The following VSX1 variants were observed in gnomAD, a reference collection of about 807,000 sequenced individuals.
VSX1 encodes visual system homeobox 1.
A neutral mutation model predicts 23.6 loss-of-function variants in VSX1; 23 were observed. That is an observed-to-expected ratio of 0.97 (90% CI 0.70 to 1.38). The LOEUF is 1.38. VSX1 is among the 40% of genes most tolerant of loss of function. The pLI, the probability that VSX1 is intolerant of heterozygous loss-of-function variation, is 0.00. For missense variants in VSX1, 517 were observed against 495.4 expected (o/e 1.04, Z -0.41); for synonymous variants, 247 against 215.1 (o/e 1.15, Z -1.30).
rs75590263 is a variant in VSX1, at chr20:25,076,061, C to T, written c.*200G>A. 4 of 692,192 alleles carry T rather than the reference C, an allele frequency of 5.8e-6. No homozygotes were observed. Among genetic ancestry groups the T allele is most frequent in the Non-Finnish European group, 7.1e-6 (3 of 420,284 alleles). 42.9% of individuals were successfully genotyped at this position (692,192 alleles called of 1,614,324 possible). On this transcript the variant is annotated 3_prime_UTR_variant, in exon 5 of 5. Transcript: ENST00000376709. ...AACTGGTTAAAGTGCCATTAAGGAA[C>T]CGTTTCCATTCTAGAATGAAATAGA...
downstream of VSX1, chr20:25,075,361 A>G (rs6050300): frequency 0.29 from 44,410 of 152,214 alleles, 7,433 homozygotes; most frequent in African/African-American, 0.44. Context: ...AGAATAAAAC[A>G]TGTCACATGT....
rs1042884321 is a variant in VSX1, at chr20:25,075,940, C to G, written c.*321G>C. The stretch of plus-strand genomic sequence containing the variant: ...TTCATCTATACAGTACATTGAACCA[C>G]ACATCTCAAATGATGCCCAGCAGTG... On this transcript the variant is annotated 3_prime_UTR_variant, in exon 5 of 5. Coordinates refer to ENST00000376709, the MANE Select transcript of VSX1 (RefSeq NM_014588.6). The G allele has an allele frequency of 2.9e-5, 12 of 419,250 alleles. No individual in the cohort carries two copies. Among genetic ancestry groups the G allele is most frequent in the Non-Finnish European group, 4.4e-5 (10 of 225,312 alleles). 26.0% of individuals were successfully genotyped at this position (419,250 alleles called of 1,614,324 possible).
downstream of VSX1, among the ~76,000 whole-genome samples, chr20:25,072,885 AAATTCGCCTTACTAAAACTGT>A (rs2089408496): frequency 6.6e-6 from 1 of 152,242 alleles, no homozygotes; most frequent in African/African-American, 2.4e-5. Flanking sequence ...GAATGTTTCC[AAATTCGCCTTACTAAAACTGT>A]AATTTTTTGA....
rs967157655 is a variant in VSX1 at position 25,081,769 on chromosome 20, G to T, written c.328C>A (p.Pro110Thr). The T allele has an allele frequency of 2.0e-6, 3 of 1,500,086 alleles. No homozygotes were observed. The Admixed American group carries it at 6.4e-5, about 32-fold the overall frequency. The allele number at this position is 1,500,086 out of a possible 1,614,324, so 92.9% of individuals were successfully genotyped here. ...CLLLADVPFL[P>T]PRGPEPAAPL... ...GCAGCGGGCTCGGGGCCCCTGGGCG[G>T]CAGGAACGGCACGTCCGCTAGGAGC... is the stretch of plus-strand genomic sequence containing the variant. The change falls in exon 1 of 5, where the codon CCG becomes ACG. Residue 110 changes from proline to threonine, a missense_variant. Pro to Thr is a conservative substitution (Grantham distance 38). Transcript: ENST00000376709.
chr20:25,078,872 TC>T lies in VSX1; in HGVS notation c.583del (p.Glu195LysfsTer5). On this transcript the variant is annotated frameshift_variant, in exon 3 of 5. Transcript: ENST00000376709. LOFTEE classifies it high-confidence loss of function. ...EAHYPDVYAR[E>X]MLAVKTELPE... ...GAGCTCAGTTTTCACAGCCAGCATT[TC>T]TCGGGCATACACATCAGGGTAGTGG... 1 of 1,614,196 alleles carries T rather than the reference TC, an allele frequency of 6.2e-7. No individual in the cohort carries two copies. The highest frequency in any genetic ancestry group is 1.1e-5 in the South Asian group (1 of 91,082).
At chr20:25,077,293 A>G (rs895234365) in intron 4 of VSX1, among the ~76,000 whole-genome samples, 1 of 152,204 alleles carries the variant, frequency 6.6e-6, no homozygotes, top group Non-Finnish European at 1.5e-5. Context: ...GGAGGGGCTC[A>G]CTGTCCCCAG....
At chr20:25,075,224 G>A (rs147443322), downstream of VSX1, among the ~76,000 whole-genome samples, 240 of 152,258 alleles carry the variant, frequency 1.6e-3, no homozygotes, top group African/African-American at 5.6e-3. Flanking sequence ...CCTTCTTCAG[G>A]AAGCACCATA....
Position 25,081,675 on chromosome 20 carries a change from G to C in VSX1, c.422C>G (p.Ser141Cys). The C allele has an allele frequency of 6.6e-7, 1 of 1,518,866 alleles. No individual in the cohort carries two copies. The highest frequency in any genetic ancestry group is 8.8e-7 in the Non-Finnish European group (1 of 1,140,084). The allele number at this position is 1,518,866 out of a possible 1,614,324, so 94.1% of individuals were successfully genotyped here. ...RQKRSDSVSTSDEDSQSEDRN... is the reference protein window; with the variant it reads ...RQKRSDSVSTCDEDSQSEDRN... ...GCGGAAAGCGCGGGCCTGATTACCG[G>C]ACGTGGAGACGCTGTCGCTGCGCTT... The change falls in exon 1 of 5, where the codon TCC (serine) becomes TGC (cysteine). Residue 141 changes from serine (S) to cysteine (C), a missense_variant and splice_region_variant. Physicochemically the swap from Ser to Cys is moderately radical, Grantham distance 112. Transcript: ENST00000376709.
downstream of VSX1, chr20:25,072,075 G>A: frequency 3.3e-6 from 2 of 607,754 alleles, no homozygotes; most frequent in Non-Finnish European, 6.0e-6. Context: ...GATAGAAAGA[G>A]AGAGGGAAAG....
At chr20:25,079,648 G>A (rs564816032) in intron 1 of VSX1, 134 bp from the exon 2 acceptor site, 6 of 771,848 alleles carry the variant, frequency 7.8e-6, no homozygotes, top group African/African-American at 5.2e-5. Flanking sequence ...AGCATTTTTA[G>A]TGCCTACTAG....
chr20:25,081,962 C>G lies in VSX1; in HGVS notation c.135G>C (p.Ala45=), dbSNP rs1183221949. The part of the protein sequence containing the change: ...DLLGLEAELP[A]PAGPGQGSGC... Reference sequence around the variant, plus strand: ...CAGATCCCTGTCCTGGGCCAGCGGGCGCCGGCAGCTCGGCCTCCAAGCCCA... The same window carrying G: ...CAGATCCCTGTCCTGGGCCAGCGGGGGCCGGCAGCTCGGCCTCCAAGCCCA... The change falls in exon 1 of 5, where the codon GCG becomes GCC. Residue 45 remains alanine, a synonymous_variant. Coordinates refer to ENST00000376709, the MANE Select transcript of VSX1 (RefSeq NM_014588.6). 2 of 1,532,820 alleles carry G rather than the reference C, an allele frequency of 1.3e-6. No homozygotes were observed. The highest frequency in any genetic ancestry group is 2.7e-5 in the African/African-American group (2 of 73,078). The allele number at this position is 1,532,820 out of a possible 1,614,324, so 95.0% of individuals were successfully genotyped here. A position where few individuals can be genotyped will look rare whatever the true frequency, so the allele number is the denominator to read the frequency against.
At position 25,078,943 on chromosome 20, in the gene VSX1, G is replaced by A. The variant is rs746527255; in HGVS notation, c.513C>T (p.Phe171=). ...CCAACTCTTCCAGCTGGTGAGCAGT[G>A]AAAACTGTCCTGCAAGGACCCCAAA... ...KRKKRRHRTV[F]TAHQLEELEK... is the part of the protein sequence containing the mutation. Residue 171 remains phenylalanine (F), a synonymous_variant, in exon 3 of 5, where the codon TTC becomes TTT. Coordinates refer to ENST00000376709, the MANE Select transcript of VSX1 (RefSeq NM_014588.6). 4 of 1,613,864 alleles carry A rather than the reference G, an allele frequency of 2.5e-6. No individual in the cohort carries two copies. In the South Asian group the frequency reaches 3.3e-5, roughly 13 times the overall value.
In VSX1 at chr20:25,082,013, G is replaced by C. The variant is rs778994668; in HGVS notation, c.84C>G (p.Pro28=). 1 of 1,535,258 alleles carries C rather than the reference G, an allele frequency of 6.5e-7. No individual in the cohort carries two copies. Among genetic ancestry groups the C allele is most frequent in the South Asian group, 1.2e-5 (1 of 84,082 alleles). The change falls in exon 1 of 5, where the codon CCC becomes CCG. Residue 28 remains proline (P), a synonymous_variant. Transcript: ENST00000376709. Reference sequence around the variant, plus strand: ...GCAGGTCCGTGATGGCGAAGCCCCGGGGGCGCGAGCCCCTAGGGGAACCGC... The same window carrying C: ...GCAGGTCCGTGATGGCGAAGCCCCGCGGGCGCGAGCCCCTAGGGGAACCGC... ...VPGGSPRGSR[P]RGFAITDLLG...
chr20:25,071,426 T>G, downstream of VSX1: 1 of 453,534 alleles, frequency 2.2e-6, no homozygotes, highest in Non-Finnish European at 4.4e-6. Context: ...GAGCTATGAT[T>G]GTGCCACTGC....
chr20:25,081,379 T>G, intron 1 of VSX1: 12 of 682,902 alleles, frequency 1.8e-5, no homozygotes, highest in East Asian at 3.0e-5. Context: ...CCTCTGGAGA[T>G]GGTTGTTGAA....
chr20:25,081,781 C>A lies in VSX1; in HGVS notation c.316G>T (p.Val106Leu), dbSNP rs976796763. The change falls in exon 1 of 5, where the codon GTG (valine) becomes TTG (leucine). Residue 106 changes from valine (V) to leucine (L), a missense_variant. Physicochemically the swap from Val to Leu is conservative, Grantham distance 32 (BLOSUM62 1). Coordinates refer to ENST00000376709, the MANE Select transcript of VSX1 (RefSeq NM_014588.6). ...GGGCCCCTGGGCGGCAGGAACGGCA[C>A]GTCCGCTAGGAGCAGGCAGGGTGCT... ...ARAPCLLLADVPFLPPRGPEP... is the reference protein window; with the variant it reads ...ARAPCLLLADLPFLPPRGPEP... The A allele has an allele frequency of 9.3e-6, 14 of 1,501,676 alleles. No individual in the cohort carries two copies. Among genetic ancestry groups the A allele is most frequent in the Middle Eastern group, 2.3e-4 (1 of 4,264 alleles). 93.0% of individuals were successfully genotyped at this position (1,501,676 alleles called of 1,614,324 possible).
intron 4 of VSX1, 92 bp downstream of exon 4, chr20:25,077,593 C>T (rs2089527673): frequency 1.4e-6 from 2 of 1,470,850 alleles, no homozygotes; most frequent in Admixed American, 2.0e-5. Context: ...CGTTGCTTTG[C>T]TTTGGAAATG....
In VSX1 at chr20:25,076,489, T is replaced by C; in HGVS notation, c.870A>G (p.Gly290=). The change falls in exon 5 of 5, where the codon GGA becomes GGG. Residue 290 remains glycine (G), a synonymous_variant. Transcript: ENST00000376709. ...RKPGSEDKLA[G]LWGSDHFKEG... is the part of the protein sequence containing the mutation. The stretch of plus-strand genomic sequence containing the variant: ...CTTTGAAGTGGTCAGAGCCCCAGAG[T>C]CCTGCCAACTTATCTTCACTTCCTG... 1 of 1,613,906 alleles carries C rather than the reference T, an allele frequency of 6.2e-7. No homozygotes were observed. The highest frequency in any genetic ancestry group is 8.5e-7 in the Non-Finnish European group (1 of 1,179,980).
rs1216489769 is a variant in VSX1 at position 25,076,328 on chromosome 20, C to T, written c.1031G>A (p.Gly344Asp). 6.2e-7 allele frequency: 1 copy of T among 1,614,186 alleles called. No individual in the cohort carries two copies. The highest frequency in any genetic ancestry group is 8.5e-7 in the Non-Finnish European group (1 of 1,180,030). Residue 344 changes from glycine to aspartate, a missense_variant, in exon 5 of 5, where the codon GGT becomes GAT. Physicochemically the swap from Gly to Asp is moderately conservative, Grantham distance 94 (BLOSUM62 -1). Transcript: ENST00000376709. ...CGTGGAGTTGGAGCCTCCTTGAGCACCAGCCCCAGGGTGCACTTTCTTGGT... is the reference window on the plus strand; with the variant it reads ...CGTGGAGTTGGAGCCTCCTTGAGCATCAGCCCCAGGGTGCACTTTCTTGGT... Reference protein sequence around the residue: ...QETKKVHPGAGAQGGSNSTAL... With the variant: ...QETKKVHPGADAQGGSNSTAL...
Sources: gnomAD v4.1 joint callset for allele counts (sites outside exome capture counted in the v4.1 genomes callset) on GRCh38, gnomAD v4.1.1 for gene constraint, MANE v1.5 for transcripts, NCBI Gene and HGNC (gene_info 2026-07-23, HGNC 2026-07-21) for gene names.